Variants in CACNA1C observed in about 807,000 individuals in gnomAD.
CACNA1C encodes the protein voltage-dependent L-type calcium channel subunit alpha-1C.
In CACNA1C, 30 loss-of-function variants were observed where a neutral mutation model predicts 229.0. The observed-to-expected ratio is 0.13, with a 90% CI of 0.10 to 0.18. The LOEUF (loss-of-function observed/expected upper bound fraction) is 0.18. Among genes scored for constraint, CACNA1C ranks in the 10% least tolerant of loss-of-function variants. The probability of loss-of-function intolerance (pLI) is 1.00; values close to 1 mark genes in which losing one functional copy is unlikely to be tolerated. For missense variants in CACNA1C, 1,658 were observed against 2,845.0 expected, an observed-to-expected ratio of 0.58 and a Z score of 9.49; for synonymous variants, 1,114 against 1,132.5, an observed-to-expected ratio of 0.98 and a Z score of 0.33.
intron 3 of CACNA1C, among the ~76,000 whole-genome samples, chr12:2,418,203 G>T (rs949374350): frequency 2.0e-5 from 3 of 152,120 alleles, no homozygotes; most frequent in Admixed American, 6.5e-5. Context: ...CTGGGCTGCG[G>T]GTGGCCTTTG....
intron 3 of CACNA1C, among the ~76,000 whole-genome samples, chr12:2,432,171 A>G (rs2099092144): frequency 6.6e-6 from 1 of 152,240 alleles, no homozygotes; most frequent in Non-Finnish European, 1.5e-5. Context: ...ACACTTTTTA[A>G]ATTAGATCTG....
Position 2,695,274 on chromosome 12 carries a change from C to G in CACNA1C, c.*4075C>G, listed in dbSNP as rs2097830687. 1.3e-5 allele frequency: 2 copies of G among 152,238 alleles called. No individual in the cohort carries two copies. Among genetic ancestry groups the G allele is most frequent in the African/African-American group, 4.8e-5 (2 of 41,450 alleles). The allele number at this position is 152,238 out of a possible 1,614,324, so 9.4% of individuals were successfully genotyped here. A position where few individuals can be genotyped will look rare whatever the true frequency, so the allele number is the denominator to read the frequency against. ...GTTCAGCTTACCCACCCACAGTGAC[C>G]AGTGTGGTGGAGCCGCTGACATCTC... is the stretch of plus-strand genomic sequence containing the variant. On this transcript the variant is annotated 3_prime_UTR_variant, in exon 47 of 47. Transcript: ENST00000399655.
Position 2,053,247 on chromosome 12 carries a change from G to A in CACNA1C, c.-316G>A, listed in dbSNP as rs1473082630. 2.9e-6 allele frequency: 3 copies of A among 1,051,306 alleles called. No homozygotes were observed. Among genetic ancestry groups the A allele is most frequent in the South Asian group, 4.0e-5 (1 of 24,752 alleles). The allele number at this position is 1,051,306 out of a possible 1,614,324, so 65.1% of individuals were successfully genotyped here. ...CGCCTCTTCTCGCCCTGCCTCTCCC[G>A]ATTTATTTTTTCAAATGGTGTAGCC... On this transcript the variant is annotated 5_prime_UTR_variant, in exon 1 of 47. Coordinates refer to ENST00000399655, the MANE Select transcript of CACNA1C (RefSeq NM_000719.7). The surrounding 1 kb of genome is among the most constrained non-coding windows in gnomAD (Gnocchi z 5.8).
intron 3 of CACNA1C, among the ~76,000 whole-genome samples, chr12:2,382,316 C>T (rs1199417994): frequency 6.6e-6 from 1 of 152,122 alleles, no homozygotes; most frequent in African/African-American, 2.4e-5. Context: ...TCTGGTAATC[C>T]ACTAGATTTT....
intron 27 of CACNA1C, among the ~76,000 whole-genome samples, chr12:2,610,304 G>T (rs2077090002): frequency 6.6e-6 from 1 of 152,126 alleles, no homozygotes; most frequent in Non-Finnish European, 1.5e-5. Context: ...CCTTGTTACG[G>T]GGATTTGACA....
chr12:2,405,846 T>A (rs1237313492), intron 3 of CACNA1C, among the ~76,000 whole-genome samples: 1 of 152,222 alleles, frequency 6.6e-6, no homozygotes, highest in East Asian at 1.9e-4. Flanking sequence ...TTCTTGCTCT[T>A]TCTGTTCTTC....
intron 10 of CACNA1C, among the ~76,000 whole-genome samples, chr12:2,554,815 C>A (rs1041394798): frequency 5.9e-5 from 9 of 152,170 alleles, no homozygotes. Context: ...TTTCCCTGGC[C>A]TCCAGACAAA....
intron 3 of CACNA1C, among the ~76,000 whole-genome samples, chr12:2,228,160 CCT>C (rs745938424): frequency 6.6e-6 from 1 of 152,130 alleles, no homozygotes; most frequent in Non-Finnish European, 1.5e-5. Flanking sequence ...CAACCCCGCC[CCT>C]GTGTTTGGCC....
intron 1 of CACNA1C, among the ~76,000 whole-genome samples, chr12:2,087,618 G>A (rs937310266): frequency 2.0e-5 from 3 of 152,134 alleles, no homozygotes; most frequent in Non-Finnish European, 4.4e-5. Flanking sequence ...TTTTAGGTAA[G>A]AGACAAAGAA....
intron 9 of CACNA1C, among the ~76,000 whole-genome samples, chr12:2,516,603 G>A (rs920458749): frequency 2.0e-5 from 3 of 152,136 alleles, no homozygotes; most frequent in East Asian, 3.9e-4. Context: ...TTGCAGACGC[G>A]TCAGATATGG....
chr12:2,031,974 A>AGTGTGTGTGTGAGTGTGTTTGTGT (rs2048297834), intron 1 of CACNA1C, among the ~76,000 whole-genome samples: 1 of 134,728 alleles, frequency 7.4e-6, no homozygotes, highest in South Asian at 2.4e-4. Flanking sequence ...TTTCTGTGTG[A>AGTGTGTGTGTGAGTGTGTTTGTGT]GTGTGTGTGT....
At chr12:2,229,210 A>G (rs2063953732) in intron 3 of CACNA1C, among the ~76,000 whole-genome samples, 1 of 152,154 alleles carries the variant, frequency 6.6e-6, no homozygotes, top group Non-Finnish European at 1.5e-5. Context: ...CAGTTTTATA[A>G]TGTGGGTAGT....
chr12:2,036,186 T>C (rs1486843801), intron 1 of CACNA1C, among the ~76,000 whole-genome samples: 2 of 152,136 alleles, frequency 1.3e-5, no homozygotes, highest in Non-Finnish European at 2.9e-5. Context: ...TTGAAAAGCG[T>C]GTAGCTGAAA....
Position 2,403,403 on chromosome 12 carries a change from G to A in CACNA1C, c.478-45573G>A, listed in dbSNP as rs2098701362. ...GGCAGGAGTGAGCGCGGAGCTGTGA[G>A]GACCCAGGGAGGAGGGTTTAGAAGT... is the stretch of plus-strand genomic sequence containing the variant. On this transcript the variant is annotated intron_variant, in intron 3 of 46. Coordinates refer to ENST00000399655, the MANE Select transcript of CACNA1C (RefSeq NM_000719.7). This position sits in a 1 kb window ranked among gnomAD's most constrained non-coding sequence, Gnocchi z 4.1. Among the ~76,000 whole-genome samples the A allele has an allele frequency of 6.6e-6, 1 of 152,116 alleles. No homozygotes were observed. Among genetic ancestry groups the A allele is most frequent in the African/African-American group, 2.4e-5 (1 of 41,424 alleles).
intron 6 of CACNA1C, among the ~76,000 whole-genome samples, chr12:2,489,755 T>C (rs974371653): frequency 1.3e-5 from 2 of 152,258 alleles, no homozygotes; most frequent in Admixed American, 1.3e-4. Flanking sequence ...TGTGTTGGTA[T>C]TAACTGCGTT....
At chr12:2,603,073 C>T (rs2073554965) in intron 22 of CACNA1C, among the ~76,000 whole-genome samples, 1 of 152,106 alleles carries the variant, frequency 6.6e-6, no homozygotes, top group South Asian at 2.1e-4. Context: ...GGACCAGGAC[C>T]TTGGGAGAGA....
At chr12:2,451,914 C>T (rs2099382031) in intron 4 of CACNA1C, among the ~76,000 whole-genome samples, 1 of 152,204 alleles carries the variant, frequency 6.6e-6, no homozygotes, top group African/African-American at 2.4e-5. Context: ...CTCCTAAGGG[C>T]TCTTCATCCT....
intron 3 of CACNA1C, among the ~76,000 whole-genome samples, chr12:2,376,016 A>G (rs1025606153): frequency 2.0e-5 from 3 of 152,254 alleles, no homozygotes; most frequent in Admixed American, 2.0e-4. Flanking sequence ...AAACAGGGGA[A>G]GAGGACAAGC....
chr12:2,680,443 A>G lies in CACNA1C; in HGVS notation c.5444+647A>G, dbSNP rs376176260. 32 of 1,561,546 alleles carry G rather than the reference A, an allele frequency of 2.0e-5. No individual in the cohort carries two copies. The highest frequency in any genetic ancestry group is 2.4e-5 in the Non-Finnish European group (28 of 1,152,312). Reference sequence around the variant, plus strand: ...CGCAGGGCTCCTCCCTGTCTGCATCAGCAGCTCCAGGGTTCCCTGGCGGGG... The same window carrying G: ...CGCAGGGCTCCTCCCTGTCTGCATCGGCAGCTCCAGGGTTCCCTGGCGGGG... On this transcript the variant is annotated intron_variant, in intron 42 of 46. Coordinates refer to ENST00000399655, the MANE Select transcript of CACNA1C (RefSeq NM_000719.7).
Sources: allele counts gnomAD v4.1 joint callset (sites outside exome capture counted in the v4.1 genomes callset), GRCh38; gene constraint gnomAD v4.1.1; non-coding constraint Gnocchi (gnomAD v3.1); transcripts MANE v1.5; gene names NCBI Gene and HGNC (gene_info 2026-07-23, HGNC 2026-07-21).